BCR: variants seen among roughly 807,000 people sequenced by gnomAD.
BCR encodes BCR activator of RhoGEF and GTPase.
A neutral mutation model predicts 138.6 loss-of-function variants in BCR; 58 were observed. The observed-to-expected ratio is 0.42, with a 90% CI of 0.34 to 0.52. The LOEUF (loss-of-function observed/expected upper bound fraction) is 0.52, where lower values mean the gene tolerates loss of function less well. BCR is among the 20% of genes least tolerant of loss of function. The probability of loss-of-function intolerance (pLI) is 0.06; values close to 1 mark genes in which losing one functional copy is unlikely to be tolerated. For missense variants in BCR, 1,599 were observed against 1,727.2 expected, an observed-to-expected ratio of 0.93 and a Z score of 1.32; for synonymous variants, 786 against 730.1, an observed-to-expected ratio of 1.08 and a Z score of -1.23.
At chr22:23,271,186 A>C (rs2073505505) in intron 5 of BCR, among the ~76,000 whole-genome samples, 1 of 152,260 alleles carries the variant, frequency 6.6e-6, no homozygotes, top group South Asian at 2.1e-4. Context: ...TTGGTTGTCA[A>C]AACAGCAGGA....
At position 23,287,879 on chromosome 22, in the gene BCR, G is replaced by T. The variant is rs146210163; in HGVS notation, c.2527-218G>T. 4.2e-3 allele frequency among the ~76,000 whole-genome samples: 635 copies of T among 152,338 alleles called. 4 individuals are homozygous for T. The highest frequency in any genetic ancestry group is 0.013 in the African/African-American group (540 of 41,560). ...CCAGCATCACACCCTGACCCATGTA[G>T]TTCGGGTGAGAGATGGTGTGCCAGA... On this transcript the variant is annotated intron_variant, in intron 11 of 22. Coordinates refer to ENST00000305877, the MANE Select transcript of BCR (RefSeq NM_004327.4).
intron 21 of BCR, 91 bp from the exon 22 acceptor site, chr22:23,314,460 TC>T: frequency 6.9e-7 from 1 of 1,452,260 alleles, no homozygotes; most frequent in Non-Finnish European, 9.5e-7. Flanking sequence ...TCGAGGTCAC[TC>T]CCTTCCTGAG....
chr22:23,315,615 C>A lies in BCR; in HGVS notation c.*93C>A. ...AGAGCGGGAACCTTCCTGAGGTGTC[C>A]TTGGGCCACCCCCAAGTGTTGGGCC... On this transcript the variant is annotated 3_prime_UTR_variant, in exon 23 of 23. Coordinates refer to ENST00000305877, the MANE Select transcript of BCR (RefSeq NM_004327.4). 8.4e-7 allele frequency: 1 copy of A among 1,189,234 alleles called. No individual in the cohort carries two copies. Among genetic ancestry groups the A allele is most frequent in the Non-Finnish European group, 1.2e-6 (1 of 808,756 alleles). The allele number at this position is 1,189,234 out of a possible 1,614,324, so 73.7% of individuals were successfully genotyped here.
At chr22:23,277,328 C>A (rs1459448083) in intron 8 of BCR, among the ~76,000 whole-genome samples, 2 of 152,218 alleles carry the variant, frequency 1.3e-5, no homozygotes, top group Non-Finnish European at 2.9e-5. Flanking sequence ...AGTAGCTAAG[C>A]CAGGATGCGA....
intron 16 of BCR, among the ~76,000 whole-genome samples, chr22:23,301,597 T>G (rs2073902905): frequency 6.6e-6 from 1 of 152,260 alleles, no homozygotes; most frequent in Non-Finnish European, 1.5e-5. Context: ...AAGGCTTCTC[T>G]GTCCCGTGAC....
At chr22:23,208,340 A>AC (rs2072642241) in intron 1 of BCR, among the ~76,000 whole-genome samples, 2 of 150,366 alleles carry the variant, frequency 1.3e-5, no homozygotes, top group Non-Finnish European at 3.0e-5. Flanking sequence ...GAAGTTTGTG[A>AC]CCCCCACTTA....
In BCR at chr22:23,218,919, C is replaced by T. The variant is rs544866510; in HGVS notation, c.1280-34880C>T. The stretch of plus-strand genomic sequence containing the variant: ...AGAGGCCCCTTGCCGAGGGTGAGGT[C>T]GCAGCCCGGCCCTGCTCAGGGAGGA... On this transcript the variant is annotated intron_variant, in intron 1 of 22. Coordinates refer to ENST00000305877, the MANE Select transcript of BCR (RefSeq NM_004327.4). Among the ~76,000 whole-genome samples the T allele has an allele frequency of 5.9e-5, 9 of 152,322 alleles. No individual in the cohort carries two copies. In the South Asian group the frequency reaches 1.2e-3, roughly 21 times the overall value.
At chr22:23,296,520 C>G (rs1398711429) in intron 16 of BCR, among the ~76,000 whole-genome samples, 2 of 152,210 alleles carry the variant, frequency 1.3e-5, no homozygotes, top group Non-Finnish European at 2.9e-5. Flanking sequence ...GGCCTCACCC[C>G]CTTCTGCCAC....
intron 1 of BCR, among the ~76,000 whole-genome samples, chr22:23,243,625 G>A (rs1286125240): frequency 6.6e-6 from 1 of 151,188 alleles, no homozygotes; most frequent in Non-Finnish European, 1.5e-5. Flanking sequence ...AGGTTTTCCC[G>A]AATTCTGTGA....
Position 23,311,725 on chromosome 22 carries a change from G to A in BCR, c.3211G>A (p.Val1071Met), listed in dbSNP as rs372157539. The A allele has an allele frequency of 5.6e-6, 9 of 1,610,864 alleles. No homozygotes were observed. The highest frequency in any genetic ancestry group is 1.3e-5 in the African/African-American group (1 of 74,994). Residue 1071 changes from valine to methionine, a missense_variant, in exon 19 of 23, where the codon GTG becomes ATG. Val to Met is a conservative substitution (Grantham distance 21). Transcript: ENST00000305877. ...KRERSKVPYI[V>M]RQCVEEIERR... ...AGAGAGGTCCAAGGTGCCCTACATC[G>A]TGCGCCAGTGCGTGGAGGAGATCGA...
chr22:23,194,051 C>G (rs2072447410), intron 1 of BCR, among the ~76,000 whole-genome samples: 1 of 152,236 alleles, frequency 6.6e-6, no homozygotes, highest in Non-Finnish European at 1.5e-5. Context: ...CGCCGTCTGA[C>G]TGGTTGGAAG....
chr22:23,247,540 C>A (rs1234662695), intron 1 of BCR, among the ~76,000 whole-genome samples: 1 of 152,164 alleles, frequency 6.6e-6, no homozygotes, highest in Non-Finnish European at 1.5e-5. Flanking sequence ...AGGGCTTGCT[C>A]CCATCTCACC....
At chr22:23,217,881 C>G (rs528843082) in intron 1 of BCR, among the ~76,000 whole-genome samples, 14 of 152,322 alleles carry the variant, frequency 9.2e-5, no homozygotes, top group African/African-American at 3.4e-4. Context: ...CTGTGGCCGC[C>G]TGCTCGGACA....
chr22:23,252,206 TG>T (rs1391659046), intron 1 of BCR, among the ~76,000 whole-genome samples: 2 of 152,092 alleles, frequency 1.3e-5, no homozygotes, highest in Non-Finnish European at 2.9e-5. Flanking sequence ...TGGGCCAGAC[TG>T]GGGGATGGGG....
chr22:23,302,776 C>A (rs73878677), intron 16 of BCR: 22,063 of 152,170 alleles, frequency 0.14, 1,817 homozygotes, highest in South Asian at 0.18. Flanking sequence ...GGAGCCTGGA[C>A]CTCCAGGGAC....
At chr22:23,193,750 C>T (rs1202272824) in intron 1 of BCR, among the ~76,000 whole-genome samples, 1 of 152,210 alleles carries the variant, frequency 6.6e-6, no homozygotes, top group Non-Finnish European at 1.5e-5. Flanking sequence ...CTTTGTGTAG[C>T]CTGCTGCATT....
At chr22:23,222,149 C>T (rs141613174) in intron 1 of BCR, among the ~76,000 whole-genome samples, 27 of 152,244 alleles carry the variant, frequency 1.8e-4, no homozygotes, top group Non-Finnish European at 2.9e-4. Flanking sequence ...CCTGTCACTC[C>T]TCTTGGTCTC....
rs148257923 is a variant in BCR, at chr22:23,247,560, A to G, written c.1280-6239A>G. On this transcript the variant is annotated intron_variant, in intron 1 of 22. Coordinates refer to ENST00000305877, the MANE Select transcript of BCR (RefSeq NM_004327.4). ...TTGCTCCCATCTCACCCTGGGGCACATTGGCAGAGGTTGGGTCAGGGGCTG... is the reference window on the plus strand; with the variant it reads ...TTGCTCCCATCTCACCCTGGGGCACGTTGGCAGAGGTTGGGTCAGGGGCTG... 2.3e-3 allele frequency among the ~76,000 whole-genome samples: 351 copies of G among 152,254 alleles called. 3 individuals carry two copies. Among genetic ancestry groups the G allele is most frequent in the African/African-American group, 8.1e-3 (335 of 41,562 alleles).
intron 1 of BCR, among the ~76,000 whole-genome samples, chr22:23,219,243 A>G (rs2072794200): frequency 6.6e-6 from 1 of 152,144 alleles, no homozygotes; most frequent in African/African-American, 2.4e-5. Flanking sequence ...CAAGGCTGAA[A>G]ATTCCAGTGA....
Sources: gnomAD v4.1 joint callset for allele counts (sites outside exome capture counted in the v4.1 genomes callset) on GRCh38, gnomAD v4.1.1 for gene constraint, MANE v1.5 for transcripts, NCBI Gene and HGNC (gene_info 2026-07-23, HGNC 2026-07-21) for gene names.